Variants in WDR7 observed in about 807,000 individuals in gnomAD.
The protein encoded by WDR7 is WD repeat domain 7, also known as WD repeat-containing protein 7.
Under a neutral mutation model 169.4 loss-of-function variants are expected in WDR7, and 46 were observed. That is an observed-to-expected ratio of 0.27 (90% CI 0.21 to 0.35). The LOEUF is 0.35. Ranked by LOEUF, WDR7 falls within the 10% of genes least tolerant of loss-of-function variation. The pLI is 1.00. For synonymous variants in WDR7, 612 were observed against 666.8 expected (o/e 0.92, Z 1.27); for missense variants, 1,534 against 1,859.3 (o/e 0.83, Z 3.22).
intron 26 of WDR7, among the ~76,000 whole-genome samples, chr18:57,002,469 A>C (rs2047997375): frequency 6.6e-6 from 1 of 152,178 alleles, no homozygotes; most frequent in South Asian, 2.1e-4. Flanking sequence ...GTATCCAGGA[A>C]AGTTTTCCAC....
At chr18:56,767,976 T>G (rs1238618808) in intron 16 of WDR7, among the ~76,000 whole-genome samples, 1 of 152,222 alleles carries the variant, frequency 6.6e-6, no homozygotes, top group African/African-American at 2.4e-5. Context: ...GTTAGAGATA[T>G]TATTTGTTAT....
chr18:56,806,920 C>T (rs1478943257), intron 19 of WDR7, among the ~76,000 whole-genome samples: 1 of 152,050 alleles, frequency 6.6e-6, no homozygotes, highest in Non-Finnish European at 1.5e-5. Context: ...CTTATATTGG[C>T]AATGCCAGCC....
At chr18:56,805,905 C>G (rs577082625) in intron 19 of WDR7, among the ~76,000 whole-genome samples, 10 of 152,288 alleles carry the variant, frequency 6.6e-5, no homozygotes, top group Non-Finnish European at 7.3e-5. Context: ...TTGCCTACCT[C>G]TTCTCACACT....
chr18:56,955,385 C>G (rs925693636), intron 25 of WDR7, among the ~76,000 whole-genome samples: 1 of 152,038 alleles, frequency 6.6e-6, no homozygotes, highest in African/African-American at 2.4e-5. Flanking sequence ...AATTTTCAGC[C>G]TGTTTGAAAT....
At chr18:56,729,179 TA>T (rs1487124518) in intron 13 of WDR7, among the ~76,000 whole-genome samples, 1 of 152,184 alleles carries the variant, frequency 6.6e-6, no homozygotes, top group Non-Finnish European at 1.5e-5. Flanking sequence ...AATGGAGAAT[TA>T]AGAGCTAGAG....
Position 56,678,260 on chromosome 18 carries a change from C to T in WDR7, c.160-1072C>T, listed in dbSNP as rs1232301614. On this transcript the variant is annotated intron_variant, in intron 2 of 27. Coordinates refer to ENST00000254442, the MANE Select transcript of WDR7 (RefSeq NM_015285.3). The stretch of plus-strand genomic sequence containing the variant: ...TGAACAGTCACGTATTTGTTTCTCC[C>T]GGATTGGTCCCTGTTGCCTTATTTC... Among the ~76,000 whole-genome samples, 6 of 152,136 alleles carry T rather than the reference C, an allele frequency of 3.9e-5. No homozygotes were observed. The South Asian group carries it at 6.2e-4, about 16-fold the overall frequency.
At chr18:57,002,499 G>A (rs2047998120) in intron 26 of WDR7, among the ~76,000 whole-genome samples, 1 of 152,044 alleles carries the variant, frequency 6.6e-6, no homozygotes, top group African/African-American at 2.4e-5. Context: ...CTGAATTACT[G>A]TTTATCGCAT....
chr18:56,787,326 G>A (rs949939621), intron 19 of WDR7, among the ~76,000 whole-genome samples: 9 of 152,128 alleles, frequency 5.9e-5, no homozygotes, highest in African/African-American at 2.2e-4. Context: ...GCTCACAGGG[G>A]CTCATCTCCT....
At chr18:56,852,922 A>T (rs1445601685) in intron 20 of WDR7, among the ~76,000 whole-genome samples, 2 of 152,206 alleles carry the variant, frequency 1.3e-5, no homozygotes, top group Non-Finnish European at 2.9e-5. Flanking sequence ...ACTGAGTGTT[A>T]ACATGTTTGC....
chr18:57,022,228 T>G (rs958165518), intron 27 of WDR7, among the ~76,000 whole-genome samples: 1 of 152,232 alleles, frequency 6.6e-6, no homozygotes, highest in Non-Finnish European at 1.5e-5. Flanking sequence ...CTGATTTTTT[T>G]GGGGTCCCCC....
At chr18:56,963,665 GT>G (rs2047365962) in intron 26 of WDR7, among the ~76,000 whole-genome samples, 1 of 152,038 alleles carries the variant, frequency 6.6e-6, no homozygotes, top group African/African-American at 2.4e-5. Context: ...TGCCATACTT[GT>G]TTAACTGTCA....
At chr18:56,683,314 A>G (rs1386443915) in intron 5 of WDR7, among the ~76,000 whole-genome samples, 1 of 152,198 alleles carries the variant, frequency 6.6e-6, no homozygotes, top group Non-Finnish European at 1.5e-5. Context: ...GCTGATATGT[A>G]CTTGATGCTC....
At chr18:56,819,571 ATGT>A (rs1227535004) in intron 20 of WDR7, among the ~76,000 whole-genome samples, 1 of 152,158 alleles carries the variant, frequency 6.6e-6, no homozygotes, top group African/African-American at 2.4e-5. Flanking sequence ...TGGCGGATTA[ATGT>A]TGTTTTAAGT....
At chr18:56,788,221 C>G (rs904148732) in intron 19 of WDR7, among the ~76,000 whole-genome samples, 10 of 152,190 alleles carry the variant, frequency 6.6e-5, no homozygotes, top group Admixed American at 3.3e-4. Context: ...TTGGCCTATG[C>G]TGTGAAATTA....
intron 20 of WDR7, among the ~76,000 whole-genome samples, chr18:56,851,201 A>G (rs556746397): frequency 6.6e-6 from 1 of 152,052 alleles, no homozygotes; most frequent in East Asian, 1.9e-4. Flanking sequence ...TAGGACCTTC[A>G]TGATATGACC....
chr18:56,689,760 T>A (rs2025525162), intron 7 of WDR7, among the ~76,000 whole-genome samples: 1 of 152,096 alleles, frequency 6.6e-6, no homozygotes, highest in African/African-American at 2.4e-5. Context: ...TTCAGACTTC[T>A]GGATTTGTCT....
chr18:56,930,992 G>A (rs1360374044), intron 22 of WDR7, among the ~76,000 whole-genome samples: 3 of 152,184 alleles, frequency 2.0e-5, no homozygotes, highest in Non-Finnish European at 4.4e-5. Context: ...GAGCAGTTCT[G>A]TGAAGGGGGA....
chr18:57,009,126 A>C (rs2048104367), intron 26 of WDR7, among the ~76,000 whole-genome samples: 1 of 152,264 alleles, frequency 6.6e-6, no homozygotes, highest in Admixed American at 6.5e-5. Flanking sequence ...TGTGAAAAAA[A>C]GACATATATT....
At chr18:56,663,063 C>T (rs1358730632) in intron 1 of WDR7, among the ~76,000 whole-genome samples, 3 of 152,342 alleles carry the variant, frequency 2.0e-5, no homozygotes, top group East Asian at 3.9e-4. Context: ...GATGGCTGCC[C>T]TCTCACTGCG....
Sources: gnomAD v4.1 joint callset for allele counts (sites outside exome capture counted in the v4.1 genomes callset) on GRCh38, gnomAD v4.1.1 for gene constraint, MANE v1.5 for transcripts, NCBI Gene and HGNC (gene_info 2026-07-23, HGNC 2026-07-21) for gene names.